Variants in GAD2 observed in about 807,000 individuals in gnomAD.
GAD2 encodes 65 kDa glutamic acid decarboxylase.
Under a neutral mutation model 80.1 loss-of-function variants are expected in GAD2, and 22 were observed. The ratio of observed to expected loss-of-function variants is 0.27; its 90% confidence interval spans 0.20 to 0.39. GAD2 has a LOEUF of 0.39. Ranked by LOEUF, GAD2 falls within the 10% of genes least tolerant of loss-of-function variation. The pLI is 1.00. For synonymous variants in GAD2, 274 were observed against 256.9 expected (o/e 1.07, Z -0.64); for missense variants, 624 against 738.4 (o/e 0.85, Z 1.80).
At chr10:26,238,001 CACAG>C (rs202219824) in intron 7 of GAD2, among the ~76,000 whole-genome samples, 3,786 of 100,862 alleles carry the variant, frequency 0.038, 155 homozygotes, top group African/African-American at 0.16. Flanking sequence ...GACTCCATCA[CACAG>C]ACACACACAC....
chr10:26,225,582 G>C (rs1844510981), intron 6 of GAD2, among the ~76,000 whole-genome samples: 1 of 152,124 alleles, frequency 6.6e-6, no homozygotes, highest in African/African-American at 2.4e-5. Flanking sequence ...AAGTGGTTGT[G>C]CTCTCTCTTC....
chr10:26,250,127 TCTCAGCCTCCTTAGTAGATGGGA>T (rs1377611440), intron 8 of GAD2, among the ~76,000 whole-genome samples: 4 of 151,862 alleles, frequency 2.6e-5, no homozygotes, highest in African/African-American at 7.3e-5. Flanking sequence ...AATTCTCCCC[TCTCAGCCTCCTTAGTAGATGGGA>T]CTACAGGCCC....
intron 8 of GAD2, among the ~76,000 whole-genome samples, chr10:26,251,151 G>C (rs1336160399): frequency 6.6e-6 from 1 of 151,092 alleles, no homozygotes; most frequent in Non-Finnish European, 1.5e-5. Flanking sequence ...ACCCACCTCG[G>C]CCTCCCAAAG....
chr10:26,286,498 AG>A lies in GAD2; in HGVS notation c.1386+5del. 4 of 1,610,990 alleles carry A rather than the reference AG, an allele frequency of 2.5e-6. No homozygotes were observed. Among genetic ancestry groups the A allele is most frequent in the Non-Finnish European group, 3.4e-6 (4 of 1,179,210 alleles). ...ATGGCTGATGTGGAGGGCAAAGGTG[AG>A]TATGTATGGACCAGCTAAATGTCAA... On this transcript the variant is annotated splice_donor_5th_base_variant and intron_variant, in intron 13 of 15. Transcript: ENST00000376261.
chr10:26,288,123 G>A (rs768333705), intron 13 of GAD2, among the ~76,000 whole-genome samples: 4 of 152,156 alleles, frequency 2.6e-5, no homozygotes, highest in Non-Finnish European at 4.4e-5. Flanking sequence ...GGGAGTTTTC[G>A]AGTGAAGCAA....
intron 8 of GAD2, among the ~76,000 whole-genome samples, chr10:26,257,045 T>C (rs1844951937): frequency 6.6e-6 from 1 of 152,180 alleles, no homozygotes; most frequent in South Asian, 2.1e-4. Context: ...TTGCTGTCTC[T>C]CATTTATTAT....
chr10:26,290,145 G>A (rs1834197309), intron 13 of GAD2, among the ~76,000 whole-genome samples: 2 of 152,108 alleles, frequency 1.3e-5, no homozygotes, highest in South Asian at 4.1e-4. Flanking sequence ...GAAAATGAAT[G>A]TTTACTTTCT....
Position 26,295,973 on chromosome 10 carries a change from C to T in GAD2, c.1584+2982C>T, listed in dbSNP as rs137936754. On this transcript the variant is annotated intron_variant, in intron 15 of 15. Transcript: ENST00000376261. ...TTGTTGAGCTAAAATTGTATCTTAG[C>T]GTGGTTGAGCTGCAAAAACAGACTA... 5.2e-3 allele frequency among the ~76,000 whole-genome samples: 792 copies of T among 152,270 alleles called. 10 individuals are homozygous for T. The highest frequency in any genetic ancestry group is 0.018 in the African/African-American group (751 of 41,552).
rs8190739 is a variant in GAD2 at position 26,274,758 on chromosome 10, G to A, written c.1157+1058G>A. On this transcript the variant is annotated intron_variant, in intron 11 of 15. Transcript: ENST00000376261. ...CAAAATACACAGAGAACCCGTGAGTGTGGAAAGAGAGGGGTATGGTTACTG... is the reference window on the plus strand; with the variant it reads ...CAAAATACACAGAGAACCCGTGAGTATGGAAAGAGAGGGGTATGGTTACTG... Among the ~76,000 whole-genome samples, 1,462 of 152,332 alleles carry A rather than the reference G, an allele frequency of 9.6e-3. 15 individuals carry two copies. Among genetic ancestry groups the A allele is most frequent in the South Asian group, 0.019 (91 of 4,822 alleles).
At chr10:26,274,144 C>T (rs998062120) in intron 11 of GAD2, among the ~76,000 whole-genome samples, 3 of 152,152 alleles carry the variant, frequency 2.0e-5, no homozygotes, top group African/African-American at 7.2e-5. Context: ...TGTAACTTAT[C>T]AATGTTGAAA....
intron 8 of GAD2, among the ~76,000 whole-genome samples, chr10:26,260,663 C>G (rs572760367): frequency 6.6e-6 from 1 of 152,022 alleles, no homozygotes; most frequent in Non-Finnish European, 1.5e-5. Flanking sequence ...CGTAGAATTT[C>G]TGAGCCCAGG....
In GAD2 at chr10:26,222,752, G is replaced by C. The variant is rs77974428; in HGVS notation, c.521-1135G>C. ...GGCCACATGCCTGAGGCTGATAAGA[G>C]AGCACTCCAGTGCAGGAGATAAGCT... On this transcript the variant is annotated intron_variant, in intron 4 of 15. Transcript: ENST00000376261. Among the ~76,000 whole-genome samples the C allele has an allele frequency of 2.6e-5, 4 of 152,334 alleles. No individual in the cohort carries two copies. The East Asian group carries it at 7.7e-4, about 29-fold the overall frequency.
At chr10:26,286,544 C>T in intron 13 of GAD2, 50 bp downstream of exon 13, 1 of 1,519,152 alleles carries the variant, frequency 6.6e-7, no homozygotes, top group Non-Finnish European at 8.8e-7. Context: ...GAACCTTTAT[C>T]TGGTGACCCC....
chr10:26,276,548 A>T (rs1564668971), intron 11 of GAD2, among the ~76,000 whole-genome samples: 1 of 151,752 alleles, frequency 6.6e-6, no homozygotes, highest in South Asian at 2.1e-4. Context: ...TGCCTGGCCA[A>T]TTTGTTTGTT....
Position 26,217,844 on chromosome 10 carries a change from C to G in GAD2, c.139C>G (p.Leu47Val), listed in dbSNP as rs1298501963. 1 of 1,604,080 alleles carries G rather than the reference C, an allele frequency of 6.2e-7. No homozygotes were observed. Among genetic ancestry groups the G allele is most frequent in the Admixed American group, 1.7e-5 (1 of 58,776 alleles). ...CCGCGTTCGGTGTCCTTACCCAGCC[C>G]TGCTCTACGGAGACGCCGAGAAGCC... ...TGGIGNKLCA[L>V]LYGDAEKPAE... The change falls in exon 3 of 16, where the codon CTG becomes GTG. Residue 47 changes from leucine (L) to valine (V), a missense_variant and splice_region_variant. Transcript: ENST00000376261. The surrounding 1 kb of genome is among the most constrained non-coding windows in gnomAD (Gnocchi z 4.9).
At chr10:26,250,874 T>C (rs532288864) in intron 8 of GAD2, among the ~76,000 whole-genome samples, 69 of 147,850 alleles carry the variant, frequency 4.7e-4, no homozygotes, top group African/African-American at 1.7e-3. Context: ...TGGGTTTTTT[T>C]TCCTTTTTTT....
At chr10:26,256,836 G>A (rs1844948798) in intron 8 of GAD2, among the ~76,000 whole-genome samples, 1 of 152,124 alleles carries the variant, frequency 6.6e-6, no homozygotes, top group South Asian at 2.1e-4. Context: ...TATCTTGCAG[G>A]GGATGCTTTG....
chr10:26,228,445 C>G lies in GAD2; in HGVS notation c.725-1217C>G, dbSNP rs540662161. ...TACAATTCTATTATTTCAATGATGT[C>G]TTTGAGAGGGAAGAACTAGTTTAGA... On this transcript the variant is annotated intron_variant, in intron 6 of 15. Transcript: ENST00000376261. 9.4e-4 allele frequency among the ~76,000 whole-genome samples: 143 copies of G among 152,260 alleles called. No individual in the cohort carries two copies. In the South Asian group the frequency reaches 0.014, roughly 15 times the overall value.
chr10:26,288,016 C>T (rs923810710), intron 13 of GAD2, among the ~76,000 whole-genome samples: 2 of 152,158 alleles, frequency 1.3e-5, no homozygotes, highest in East Asian at 1.9e-4. Context: ...ACCATGTCCA[C>T]GGCAATGCAT....
Sources: gnomAD v4.1 joint callset for allele counts (sites outside exome capture counted in the v4.1 genomes callset) on GRCh38, gnomAD v4.1.1 for gene constraint, Gnocchi (gnomAD v3.1) non-coding constraint, MANE v1.5 for transcripts, NCBI Gene and HGNC (gene_info 2026-07-23, HGNC 2026-07-21) for gene names.